GPC6: variants seen among roughly 807,000 people sequenced by gnomAD.
GPC6 encodes the protein glypican-6.
Under a neutral mutation model 55.2 loss-of-function variants are expected in GPC6, and 14 were observed. The ratio of observed to expected loss-of-function variants is 0.25; its 90% CI spans 0.17 to 0.40. The LOEUF (loss-of-function observed/expected upper bound fraction) is 0.40. Among genes scored for constraint, GPC6 ranks in the 10% least tolerant of loss-of-function variants. GPC6 has a pLI of 1.00. For missense variants in GPC6, 641 were observed against 708.5 expected (o/e 0.90, Z 1.08); for synonymous variants, 278 against 259.6 (o/e 1.07, Z -0.68).
chr13:93,684,704 T>C (rs760767845), intron 2 of GPC6, among the ~76,000 whole-genome samples: 4 of 152,100 alleles, frequency 2.6e-5, no homozygotes, highest in Non-Finnish European at 5.9e-5. Flanking sequence ...TGACACTCAG[T>C]TGGAACTTCT....
chr13:94,041,984 T>C (rs9516334), intron 4 of GPC6, among the ~76,000 whole-genome samples: 26,299 of 151,772 alleles, frequency 0.17, 2,523 homozygotes, highest in East Asian at 0.39. Context: ...AAATCTCATG[T>C]TCAATTATAA....
In GPC6 at chr13:93,370,451, C is replaced by T. The variant is rs113637452; in HGVS notation, c.160+142835C>T. ...TGATTTAAAACTGTTCTATTCTTTA[C>T]GCAAGGGAAAAATAATGCTGGATTT... On this transcript the variant is annotated intron_variant, in intron 1 of 8. Transcript: ENST00000377047. Among the ~76,000 whole-genome samples, 797 of 152,140 alleles carry T rather than the reference C, an allele frequency of 5.2e-3. 8 individuals are homozygous for T. Among genetic ancestry groups the T allele is most frequent in the African/African-American group, 0.018 (750 of 41,516 alleles).
chr13:93,695,950 A>C (rs548070075), intron 2 of GPC6, among the ~76,000 whole-genome samples: 8 of 152,296 alleles, frequency 5.3e-5, no homozygotes, highest in Non-Finnish European at 1.2e-4. Flanking sequence ...AGTATCATCC[A>C]GATTTTATAA....
intron 6 of GPC6, among the ~76,000 whole-genome samples, chr13:94,337,219 G>A (rs2139150582): frequency 6.6e-6 from 1 of 152,258 alleles, no homozygotes; most frequent in Middle Eastern, 3.4e-3. Flanking sequence ...TTCACATGGG[G>A]GCTTTGACTC....
At chr13:93,281,936 CT>C (rs1489428482) in intron 1 of GPC6, among the ~76,000 whole-genome samples, 1 of 152,102 alleles carries the variant, frequency 6.6e-6, no homozygotes, top group African/African-American at 2.4e-5. Flanking sequence ...CTCACATTTG[CT>C]TTTGAGTTTA....
intron 2 of GPC6, among the ~76,000 whole-genome samples, chr13:93,699,605 A>G (rs984462123): frequency 1.3e-5 from 2 of 152,086 alleles, no homozygotes; most frequent in Non-Finnish European, 2.9e-5. Context: ...CTTTTTATAA[A>G]TAATATTTTT....
At chr13:94,167,046 CTT>C (rs560451668) in intron 4 of GPC6, among the ~76,000 whole-genome samples, 93 of 152,152 alleles carry the variant, frequency 6.1e-4, no homozygotes, top group Non-Finnish European at 1.1e-3. Context: ...GATTTCATCT[CTT>C]TATCGAGAGT....
chr13:93,244,126 A>G (rs557304201), intron 1 of GPC6, among the ~76,000 whole-genome samples: 15 of 152,200 alleles, frequency 9.9e-5, no homozygotes, highest in African/African-American at 3.6e-4. Flanking sequence ...CACTGGGGTA[A>G]TGTTTCAGAG....
intron 1 of GPC6, among the ~76,000 whole-genome samples, chr13:93,459,203 C>T (rs1474255740): frequency 6.6e-6 from 1 of 152,166 alleles, no homozygotes; most frequent in Non-Finnish European, 1.5e-5. Context: ...GGACTACAGG[C>T]ATGGGCCACC....
rs968221822 is a variant in GPC6, at chr13:93,561,404, G to GAGATATAT, written c.319+15984_319+15985insGATATATA. Among the ~76,000 whole-genome samples, 164 of 104,702 alleles carry GAGATATAT rather than the reference G, an allele frequency of 1.6e-3. 5 individuals carry two copies. Among genetic ancestry groups the GAGATATAT allele is most frequent in the African/African-American group, 6.5e-3 (156 of 24,126 alleles). 68.7% of individuals were successfully genotyped at this position (104,702 alleles called of 152,430 possible). A position where few individuals can be genotyped will look rare whatever the true frequency, so the allele number is the denominator to read the frequency against. ...AATAATTGCATACTATATCCCTATCGATATATATATATATATATATATTTG... is the reference window on the plus strand; with the variant it reads ...AATAATTGCATACTATATCCCTATCGAGATATATATATATATATATATATATATATTTG... On this transcript the variant is annotated intron_variant, in intron 2 of 8. Transcript: ENST00000377047.
chr13:94,273,251 C>T (rs1378625538), intron 4 of GPC6, among the ~76,000 whole-genome samples: 8 of 152,052 alleles, frequency 5.3e-5, no homozygotes, highest in African/African-American at 1.7e-4. Context: ...CAAGGCCTGA[C>T]GCACATCTTA....
chr13:93,648,080 C>T (rs1880253418), intron 2 of GPC6, among the ~76,000 whole-genome samples: 1 of 152,130 alleles, frequency 6.6e-6, no homozygotes, highest in Non-Finnish European at 1.5e-5. Flanking sequence ...ACATGAACTG[C>T]CCTTGTCAAC....
At chr13:94,358,722 C>G (rs1026319287) in intron 6 of GPC6, among the ~76,000 whole-genome samples, 1 of 152,068 alleles carries the variant, frequency 6.6e-6, no homozygotes, top group African/African-American at 2.4e-5. Flanking sequence ...GCATGGTGAC[C>G]CCAGGACCAC....
chr13:93,671,175 G>A (rs1025894050), intron 2 of GPC6, among the ~76,000 whole-genome samples: 1 of 152,076 alleles, frequency 6.6e-6, no homozygotes, highest in Admixed American at 6.6e-5. Context: ...TCATGTGTTT[G>A]ACATACTGGG....
At chr13:93,234,691 A>T (rs868051845) in intron 1 of GPC6, among the ~76,000 whole-genome samples, 324 of 140,978 alleles carry the variant, frequency 2.3e-3, no homozygotes, top group African/African-American at 6.4e-3. Context: ...TGTGTGTGAG[A>T]GAGAGAGAGA....
At chr13:93,821,777 G>A (rs971186404) in intron 2 of GPC6, among the ~76,000 whole-genome samples, 1 of 152,098 alleles carries the variant, frequency 6.6e-6, no homozygotes, top group African/African-American at 2.4e-5. Flanking sequence ...GCTGAACAAA[G>A]TCAGGGCCCC....
chr13:93,340,026 CTTTTTTTTTTTTTTTTT>C (rs10714044), intron 1 of GPC6, among the ~76,000 whole-genome samples: 3 of 81,618 alleles, frequency 3.7e-5, no homozygotes, highest in Admixed American at 2.0e-4. Context: ...AGTTTTCTTT[CTTTTTTTTTTTTTTTTT>C]TTTTTTTTTT....
chr13:93,331,965 G>T (rs1239399326), intron 1 of GPC6, among the ~76,000 whole-genome samples: 1 of 151,960 alleles, frequency 6.6e-6, no homozygotes, highest in Non-Finnish European at 1.5e-5. Flanking sequence ...TGCAATATTT[G>T]TCTTTCTCTG....
At chr13:93,718,793 G>T (rs1212005234) in intron 2 of GPC6, among the ~76,000 whole-genome samples, 1 of 151,752 alleles carries the variant, frequency 6.6e-6, no homozygotes, top group East Asian at 1.9e-4. Context: ...TAAGGTGTAA[G>T]GAAGGGGTCC....
Sources: allele counts gnomAD v4.1 joint callset (sites outside exome capture counted in the v4.1 genomes callset), GRCh38; gene constraint gnomAD v4.1.1; transcripts MANE v1.5; gene names NCBI Gene and HGNC (gene_info 2026-07-23, HGNC 2026-07-21).